NTNG1: variants seen among roughly 807,000 people sequenced by gnomAD.
NTNG1 encodes netrin-G1.
Under a neutral mutation model 54.0 loss-of-function variants are expected in NTNG1, and 16 were observed. The observed-to-expected ratio is 0.30, with a 90% confidence interval of 0.20 to 0.45. The LOEUF is 0.45. Among genes scored for constraint, NTNG1 ranks in the 20% least tolerant of loss-of-function variants. The pLI is 1.00. For missense variants in NTNG1, 530 were observed against 678.7 expected, an observed-to-expected ratio of 0.78 and a Z score of 2.43; for synonymous variants, 255 against 263.1, an observed-to-expected ratio of 0.97 and a Z score of 0.30.
At chr1:107,395,935 G>T (rs190175350) in intron 4 of NTNG1, among the ~76,000 whole-genome samples, 233 of 152,290 alleles carry the variant, frequency 1.5e-3, no homozygotes, top group African/African-American at 5.4e-3. Context: ...TAAGAAAAAA[G>T]ATTTTTCTAC....
At chr1:107,436,596 G>A (rs961654859) in intron 6 of NTNG1, 69 bp from the exon 7 acceptor site, 1 of 1,353,258 alleles carries the variant, frequency 7.4e-7, no homozygotes, top group Non-Finnish European at 1.0e-6. Flanking sequence ...AGTACGTGAC[G>A]CTCCTGTGTT....
intron 7 of NTNG1, among the ~76,000 whole-genome samples, chr1:107,472,620 G>C (rs1238663048): frequency 1.3e-5 from 2 of 152,126 alleles, no homozygotes; most frequent in Admixed American, 6.5e-5. Context: ...CCAGATCTCA[G>C]GTTTTCCAGT....
At chr1:107,200,319 A>G (rs1658647336) in intron 2 of NTNG1, among the ~76,000 whole-genome samples, 1 of 151,948 alleles carries the variant, frequency 6.6e-6, no homozygotes, top group South Asian at 2.1e-4. Context: ...TTCTTGTTAT[A>G]TAACATTTCT....
intron 3 of NTNG1, among the ~76,000 whole-genome samples, chr1:107,327,722 T>G (rs1027145243): frequency 1.2e-4 from 19 of 152,060 alleles, no homozygotes; most frequent in Non-Finnish European, 2.8e-4. Flanking sequence ...CACCATAATG[T>G]GGAAATTGAC....
At chr1:107,404,626 A>C (rs1434143101) in intron 4 of NTNG1, among the ~76,000 whole-genome samples, 1 of 152,150 alleles carries the variant, frequency 6.6e-6, no homozygotes, top group Non-Finnish European at 1.5e-5. Flanking sequence ...ACATTGTCCC[A>C]GGCAGATCCA....
chr1:107,467,035 CAT>C (rs1558021014), intron 7 of NTNG1, among the ~76,000 whole-genome samples: 1 of 152,106 alleles, frequency 6.6e-6, no homozygotes, highest in African/African-American at 2.4e-5. Flanking sequence ...CTTTCTGCCT[CAT>C]GTTTGAAGTT....
chr1:107,431,089 T>C (rs1386932547), intron 6 of NTNG1, among the ~76,000 whole-genome samples, 172 bp downstream of exon 6: 2 of 152,156 alleles, frequency 1.3e-5, no homozygotes, highest in African/African-American at 4.8e-5. Flanking sequence ...TTGGTTGAAA[T>C]CATAGTTGGG....
At chr1:107,214,757 A>C (rs1659830851) in intron 2 of NTNG1, among the ~76,000 whole-genome samples, 2 of 151,078 alleles carry the variant, frequency 1.3e-5, no homozygotes, top group African/African-American at 4.9e-5. Flanking sequence ...CAGCAGCGTA[A>C]AAGTGTTTCC....
chr1:107,446,090 A>G (rs960234471), intron 7 of NTNG1, among the ~76,000 whole-genome samples: 3 of 152,150 alleles, frequency 2.0e-5, no homozygotes, highest in African/African-American at 4.8e-5. Flanking sequence ...GGCAGGAAAG[A>G]ACATAAGAAA....
chr1:107,207,830 C>T (rs1195957364), intron 2 of NTNG1, among the ~76,000 whole-genome samples: 1 of 152,148 alleles, frequency 6.6e-6, no homozygotes, highest in Non-Finnish European at 1.5e-5. Flanking sequence ...GCCTAATGCA[C>T]TTTCCCTCAA....
At chr1:107,196,941 G>C (rs1658383729) in intron 2 of NTNG1, among the ~76,000 whole-genome samples, 1 of 151,410 alleles carries the variant, frequency 6.6e-6, no homozygotes, top group Non-Finnish European at 1.5e-5. Flanking sequence ...TTCTCGGGCG[G>C]GTGTGTGTGT....
At chr1:107,258,044 A>T (rs189802079) in intron 2 of NTNG1, among the ~76,000 whole-genome samples, 2 of 152,322 alleles carry the variant, frequency 1.3e-5, no homozygotes, top group Admixed American at 1.3e-4. Flanking sequence ...GACATGTAGG[A>T]TTAAAACATT....
intron 2 of NTNG1, among the ~76,000 whole-genome samples, chr1:107,166,728 A>G (rs1336183182): frequency 3.3e-5 from 5 of 152,054 alleles, no homozygotes; most frequent in Non-Finnish European, 7.4e-5. Flanking sequence ...GAAACAATTG[A>G]CTGTGAAACC....
At chr1:107,480,484 G>T (rs990682999) in intron 7 of NTNG1, 127 bp from the exon 8 acceptor site, 8 of 625,552 alleles carry the variant, frequency 1.3e-5, no homozygotes, top group African/African-American at 3.7e-5. Flanking sequence ...TGGAGGGGAG[G>T]GGGGAGCACA....
rs1051439165 is a variant in NTNG1 at position 107,481,115 on chromosome 1, A to T, written c.*275A>T. ...CTGCAGAGCATATTGTGGATTGGAA[A>T]GGCTGCGACAGCCCCCCAAACAGGA... On this transcript the variant is annotated 3_prime_UTR_variant, in exon 8 of 8. Coordinates refer to ENST00000370068, the MANE Select transcript of NTNG1 (RefSeq NM_001113226.3). 46 of 447,140 alleles carry T rather than the reference A, an allele frequency of 1.0e-4. No individual in the cohort carries two copies. The highest frequency in any genetic ancestry group is 1.5e-4 in the Non-Finnish European group (37 of 251,248). The allele number at this position is 447,140 out of a possible 1,614,324, so 27.7% of individuals were successfully genotyped here.
intron 2 of NTNG1, among the ~76,000 whole-genome samples, chr1:107,156,800 C>T (rs1655033610): frequency 6.6e-6 from 1 of 152,050 alleles, no homozygotes; most frequent in African/African-American, 2.4e-5. Context: ...TAGGCAGGTC[C>T]CACTCTCTGG....
chr1:107,259,680 C>G (rs1168862549), intron 2 of NTNG1, among the ~76,000 whole-genome samples: 1 of 152,022 alleles, frequency 6.6e-6, no homozygotes, highest in African/African-American at 2.4e-5. Flanking sequence ...TTATATGTTC[C>G]TCCCCCGCAA....
intron 7 of NTNG1, among the ~76,000 whole-genome samples, chr1:107,458,571 C>T (rs969788727): frequency 6.6e-6 from 1 of 152,124 alleles, no homozygotes; most frequent in African/African-American, 2.4e-5. Context: ...AAAGTGTGCA[C>T]TGCTTCCTTT....
intron 7 of NTNG1, among the ~76,000 whole-genome samples, chr1:107,479,253 T>G (rs984876736): frequency 1.3e-5 from 2 of 152,238 alleles, no homozygotes; most frequent in Non-Finnish European, 2.9e-5. Context: ...CTAAGCTCAT[T>G]GACACACAAA....
Sources: allele counts gnomAD v4.1 joint callset (sites outside exome capture counted in the v4.1 genomes callset), GRCh38; gene constraint gnomAD v4.1.1; transcripts MANE v1.5; gene names NCBI Gene and HGNC (gene_info 2026-07-23, HGNC 2026-07-21).